Variants in DCAF10 observed in about 807,000 individuals in gnomAD.
DCAF10 encodes the protein DDB1- and CUL4-associated factor 10.
A neutral mutation model predicts 51.9 loss-of-function variants in DCAF10; 19 were observed. That is an observed-to-expected ratio of 0.37 (90% CI 0.26 to 0.54). DCAF10 has a LOEUF of 0.54. Ranked by LOEUF, DCAF10 falls within the 20% of genes least tolerant of loss-of-function variation. The probability of loss-of-function intolerance (pLI) is 0.87; values close to 1 mark genes in which losing one functional copy is unlikely to be tolerated. For missense variants in DCAF10, 510 were observed against 730.6 expected, an observed-to-expected ratio of 0.70 and a Z score of 3.48; for synonymous variants, 291 against 297.1, an observed-to-expected ratio of 0.98 and a Z score of 0.21.
At chr9:37,860,492 T>TAAACAAAC (rs113858882) in intron 6 of DCAF10, 13 of 257,044 alleles carry the variant, frequency 5.1e-5, no homozygotes, top group Non-Finnish European at 7.4e-5. Flanking sequence ...CATCTCACCC[T>TAAACAAAC]AAACAAACAA....
At chr9:37,802,566 G>A (rs1018460706) in intron 1 of DCAF10, among the ~76,000 whole-genome samples, 1 of 152,156 alleles carries the variant, frequency 6.6e-6, no homozygotes, top group Non-Finnish European at 1.5e-5. Context: ...GGTTTACAAA[G>A]CAAAAAATTT....
chr9:37,861,125 C>A lies in DCAF10; in HGVS notation c.1312-15C>A. 1 of 1,586,812 alleles carries A rather than the reference C, an allele frequency of 6.3e-7. No homozygotes were observed. The highest frequency in any genetic ancestry group is 1.8e-4 in the Middle Eastern group (1 of 5,522). On this transcript the variant is annotated splice_polypyrimidine_tract_variant and intron_variant, in intron 6 of 6. Transcript: ENST00000377724. This position sits in a 1 kb window ranked among gnomAD's most constrained non-coding sequence, Gnocchi z 4.9. ...GGCTCTGTAACCTTGGTTTGTCTCC[C>A]TTCTCTCCCCCTAGTGTACTTGTGT...
Position 37,861,011 on chromosome 9 carries a change from A to G in DCAF10, c.1312-129A>G. ...TTTTGTTAGTTGGGAGGGGGATAGC[A>G]TTATTCTGAGTGATTTCTTGTAAAA... On this transcript the variant is annotated intron_variant, in intron 6 of 6. Coordinates refer to ENST00000377724, the MANE Select transcript of DCAF10 (RefSeq NM_024345.5). The surrounding 1 kb of genome is among the most constrained non-coding windows in gnomAD (Gnocchi z 4.9). 13 of 1,320,284 alleles carry G rather than the reference A, an allele frequency of 9.8e-6. No homozygotes were observed. The highest frequency in any genetic ancestry group is 1.3e-5 in the Non-Finnish European group (13 of 973,704). The allele number at this position is 1,320,284 out of a possible 1,614,324, so 81.8% of individuals were successfully genotyped here.
At chr9:37,835,261 C>G (rs1246081244) in intron 2 of DCAF10, among the ~76,000 whole-genome samples, 1 of 151,908 alleles carries the variant, frequency 6.6e-6, no homozygotes, top group Non-Finnish European at 1.5e-5. Flanking sequence ...ATGTTGAAAC[C>G]CTGTCTCTAC....
At chr9:37,847,057 C>G (rs1052795151) in intron 3 of DCAF10, among the ~76,000 whole-genome samples, 2 of 151,334 alleles carry the variant, frequency 1.3e-5, no homozygotes, top group South Asian at 4.2e-4. Context: ...AGTTCAAGAC[C>G]AGCCTGGCCA....
chr9:37,850,827 TATATATATATA>T (rs1246330780), intron 3 of DCAF10, among the ~76,000 whole-genome samples: 8 of 66,080 alleles, frequency 1.2e-4, no homozygotes, highest in African/African-American at 5.6e-4. Context: ...GGATATATTT[TATATATATATA>T]TATATATATA....
chr9:37,843,144 A>G (rs1830381601), intron 3 of DCAF10, among the ~76,000 whole-genome samples: 1 of 152,142 alleles, frequency 6.6e-6, no homozygotes, highest in Non-Finnish European at 1.5e-5. Context: ...CAGACTCCTG[A>G]GCAGCTAGGA....
chr9:37,844,632 CAG>C (rs1194342250), intron 3 of DCAF10, among the ~76,000 whole-genome samples: 1 of 152,094 alleles, frequency 6.6e-6, no homozygotes, highest in Non-Finnish European at 1.5e-5. Flanking sequence ...GCCTGGGCCA[CAG>C]AGTCAGACTC....
In DCAF10 at chr9:37,860,110, G is replaced by A. The variant is rs745707991; in HGVS notation, c.1228G>A (p.Gly410Arg). 7 of 1,614,084 alleles carry A rather than the reference G, an allele frequency of 4.3e-6. No individual in the cohort carries two copies. The highest frequency in any genetic ancestry group is 2.2e-5 in the East Asian group (1 of 44,870). The change falls in exon 6 of 7, where the codon GGA becomes AGA. Residue 410 changes from glycine to arginine, a missense_variant. By Grantham distance (125) the Gly-to-Arg change is moderately radical (BLOSUM62 -2). Around this residue, in one of 4 missense-constraint regions of DCAF10, gnomAD observed 104 missense variants for 206.2 expected, o/e 0.50. Transcript: ENST00000377724. The stretch of plus-strand genomic sequence containing the variant: ...TGAAGTTCTTGGTGAGAGTGACCAC[G>A]GAAACTGCATCACGTCCTTACAGCT... ...TPEVLGESDH[G>R]NCITSLQLHP...
chr9:37,817,480 C>A (rs1261473246), intron 1 of DCAF10, among the ~76,000 whole-genome samples: 1 of 152,126 alleles, frequency 6.6e-6, no homozygotes, highest in African/African-American at 2.4e-5. Context: ...TGCCTGTAAT[C>A]CCAGTTACTC....
At position 37,865,285 on chromosome 9, in the gene DCAF10, G is replaced by C. The variant is rs1025538615; in HGVS notation, c.*3777G>C. On this transcript the variant is annotated 3_prime_UTR_variant, in exon 7 of 7. Transcript: ENST00000377724. ...TTGTGAAAAAAAACCGAGCCACACA[G>C]ATGAGAATTAAAAATTAACAGCCAG... The C allele has an allele frequency of 2.6e-5, 4 of 152,018 alleles. No homozygotes were observed. Among genetic ancestry groups the C allele is most frequent in the Non-Finnish European group, 5.9e-5 (4 of 68,004 alleles). 9.4% of individuals were successfully genotyped at this position (152,018 alleles called of 1,614,324 possible).
At chr9:37,855,730 C>T (rs1830827546) in intron 4 of DCAF10, among the ~76,000 whole-genome samples, 1 of 152,088 alleles carries the variant, frequency 6.6e-6, no homozygotes. Context: ...ATGGTTGGGG[C>T]CAGGTGCGGG....
chr9:37,806,980 A>C (rs1051130374), intron 1 of DCAF10, among the ~76,000 whole-genome samples: 1 of 152,192 alleles, frequency 6.6e-6, no homozygotes, highest in East Asian at 1.9e-4. Flanking sequence ...ACCTGGACTG[A>C]GGGATTAGGT....
At chr9:37,836,072 T>C (rs1265389170) in intron 2 of DCAF10, 6 of 1,165,808 alleles carry the variant, frequency 5.1e-6, no homozygotes, top group Non-Finnish European at 7.8e-6. Context: ...GTTATGAATA[T>C]TTTGCTGTGC....
At chr9:37,803,394 A>G (rs1358906375) in intron 1 of DCAF10, among the ~76,000 whole-genome samples, 1 of 151,982 alleles carries the variant, frequency 6.6e-6, no homozygotes, top group East Asian at 1.9e-4. Context: ...GTTTAAATAA[A>G]ACCTCTTTGA....
At chr9:37,830,516 A>G (rs1390219702) in intron 2 of DCAF10, among the ~76,000 whole-genome samples, 1 of 152,192 alleles carries the variant, frequency 6.6e-6, no homozygotes, top group African/African-American at 2.4e-5. Context: ...CAACTTTTGG[A>G]TAGTGGTTCC....
chr9:37,857,281 T>C lies in DCAF10; in HGVS notation c.1095T>C (p.Ser365=). 1 of 1,610,734 alleles carries C rather than the reference T, an allele frequency of 6.2e-7. No individual in the cohort carries two copies. The highest frequency in any genetic ancestry group is 8.5e-7 in the Non-Finnish European group (1 of 1,178,872). Residue 365 remains serine (S), a synonymous_variant, in exon 5 of 7, where the codon TCT becomes TCC. Transcript: ENST00000377724. The part of the protein sequence containing the change: ...TSSSSSGPRV[S]GSPCHHSDSN... ...CAAGTTCATCTGGTCCTAGAGTTTC[T>C]GGCTCACCTTGTCATCATAGTGATT...
chr9:37,801,105 C>T lies in DCAF10; in HGVS notation c.239C>T (p.Ser80Leu). The T allele has an allele frequency of 6.5e-7, 1 of 1,535,378 alleles. No individual in the cohort carries two copies. Among genetic ancestry groups the T allele is most frequent in the East Asian group, 2.5e-5 (1 of 39,314 alleles). The change falls in exon 1 of 7, where the codon TCA (serine) becomes TTA (leucine). Residue 80 changes from serine to leucine, a missense_variant. Ser to Leu is a moderately radical substitution (Grantham distance 145, BLOSUM62 -2). Around this residue, in one of 4 missense-constraint regions of DCAF10, gnomAD observed 251 missense variants for 227.9 expected, o/e 1.10. Coordinates refer to ENST00000377724, the MANE Select transcript of DCAF10 (RefSeq NM_024345.5). This position sits in a 1 kb window ranked among gnomAD's most constrained non-coding sequence, Gnocchi z 5.5. ...ELGLPGAPES[S>L]TASAPGEPSP... ...GGGCTGCCTGGAGCTCCGGAGTCCT[C>T]AACTGCCTCCGCCCCGGGAGAGCCG... is the stretch of plus-strand genomic sequence containing the variant.
Position 37,842,286 on chromosome 9 carries a change from G to A in DCAF10, c.851G>A (p.Arg284Lys). 1 of 1,611,102 alleles carries A rather than the reference G, an allele frequency of 6.2e-7. No homozygotes were observed. The highest frequency in any genetic ancestry group is 8.5e-7 in the Non-Finnish European group (1 of 1,179,038). The change falls in exon 3 of 7, where the codon AGG becomes AAG. Residue 284 changes from arginine (R) to lysine (K), a missense_variant and splice_region_variant. Arg to Lys is a conservative substitution (Grantham distance 26). Coordinates refer to ENST00000377724, the MANE Select transcript of DCAF10 (RefSeq NM_024345.5). ...DGNVIIWDTN[R>K]YTEDGCPHKK... ...AATGTCATTATTTGGGACACTAACAGGTTTGTGAATAGGAGACCATGTTAG... is the reference window on the plus strand; with the variant it reads ...AATGTCATTATTTGGGACACTAACAAGTTTGTGAATAGGAGACCATGTTAG...
Sources: allele counts gnomAD v4.1 joint callset (sites outside exome capture counted in the v4.1 genomes callset), GRCh38; gene constraint gnomAD v4.1.1; regional missense constraint gnomAD v4.1.1; non-coding constraint Gnocchi (gnomAD v3.1); transcripts MANE v1.5; gene names NCBI Gene and HGNC (gene_info 2026-07-23, HGNC 2026-07-21).